The following TMC1 variants were observed in gnomAD, a reference collection of about 807,000 sequenced individuals.
TMC1 encodes the protein transmembrane channel like 1, also known as transmembrane channel-like protein 1.
Under a neutral mutation model 105.8 loss-of-function variants are expected in TMC1, and 84 were observed. The ratio of observed to expected loss-of-function variants is 0.79; its 90% confidence interval spans 0.67 to 0.95. The LOEUF (loss-of-function observed/expected upper bound fraction) is 0.95, where lower values mean the gene tolerates loss of function less well. Ranked by LOEUF, TMC1 falls within the 40% of genes least tolerant of loss-of-function variation. The pLI, the probability that TMC1 is intolerant of heterozygous loss-of-function variation, is 0.00. For synonymous variants in TMC1, 315 were observed against 311.5 expected (o/e 1.01, Z -0.12); for missense variants, 817 against 914.1 (o/e 0.89, Z 1.37).
intron 8 of TMC1, among the ~76,000 whole-genome samples, chr9:72,714,940 G>C (rs1187240964): frequency 1.3e-5 from 2 of 152,264 alleles, no homozygotes; most frequent in East Asian, 3.9e-4. Flanking sequence ...TCCTTCATGA[G>C]CTCTTGTAAG....
Position 72,791,996 on chromosome 9 carries a change from C to T in TMC1, c.1335C>T (p.Arg445=), listed in dbSNP as rs1828278053. Residue 445 remains arginine (R), a synonymous_variant, in exon 16 of 24, where the codon CGC becomes CGT. Coordinates refer to ENST00000297784, the MANE Select transcript of TMC1 (RefSeq NM_138691.3). ...TCGCTTTGAAATGGCTACTGGGACG[C>T]ATTTTTGCTCTTCTTTTAGGCAATT... ...PLIALKWLLG[R]IFALLLGNLY... 2 of 1,614,054 alleles carry T rather than the reference C, an allele frequency of 1.2e-6. No homozygotes were observed. The highest frequency in any genetic ancestry group is 1.7e-6 in the Non-Finnish European group (2 of 1,179,964).
At chr9:72,593,418 GAC>G (rs1691580420) in intron 2 of TMC1, among the ~76,000 whole-genome samples, 1 of 151,178 alleles carries the variant, frequency 6.6e-6, no homozygotes, top group Non-Finnish European at 1.5e-5. Context: ...TCTTTTCTGA[GAC>G]AGAGTGTTGC....
intron 2 of TMC1, among the ~76,000 whole-genome samples, chr9:72,609,179 C>CCCTCCCTT (rs1461633849): frequency 7.3e-5 from 10 of 136,058 alleles, no homozygotes; most frequent in South Asian, 2.7e-4. Context: ...CTTCCTCCTT[C>CCCTCCCTT]CCTTCCTTCC....
chr9:72,613,218 G>A (rs1402120071), intron 2 of TMC1, among the ~76,000 whole-genome samples: 3 of 149,672 alleles, frequency 2.0e-5, no homozygotes, highest in Non-Finnish European at 3.0e-5. Flanking sequence ...TGCAACCTCC[G>A]CCTCCCGGGT....
chr9:72,566,060 C>T (rs994759851), intron 1 of TMC1, among the ~76,000 whole-genome samples: 5 of 152,200 alleles, frequency 3.3e-5, no homozygotes, highest in African/African-American at 1.2e-4. Flanking sequence ...GACAGGGTCT[C>T]ACTTTGCCTC....
At chr9:72,689,459 G>C (rs1588033282) in intron 6 of TMC1, among the ~76,000 whole-genome samples, 1 of 152,064 alleles carries the variant, frequency 6.6e-6, no homozygotes, top group South Asian at 2.1e-4. Flanking sequence ...AGGTCTGTTT[G>C]ATCTATAATG....
chr9:72,591,762 G>A (rs1286223208), intron 2 of TMC1, among the ~76,000 whole-genome samples: 2 of 152,072 alleles, frequency 1.3e-5, no homozygotes, highest in Non-Finnish European at 2.9e-5. Context: ...TAGAGACAGG[G>A]TCTCACTCTG....
At chr9:72,769,693 A>G (rs1431868807) in intron 12 of TMC1, among the ~76,000 whole-genome samples, 1 of 152,196 alleles carries the variant, frequency 6.6e-6, no homozygotes, top group African/African-American at 2.4e-5. Context: ...CTGTGAGATA[A>G]AATAAGGTGT....
chr9:72,630,712 A>G lies in TMC1; in HGVS notation c.-53+2649A>G, dbSNP rs964140212. On this transcript the variant is annotated intron_variant, in intron 4 of 23. Coordinates refer to ENST00000297784, the MANE Select transcript of TMC1 (RefSeq NM_138691.3). ...TATATCCCTCTCCCTGTCAATCTATAAATTAAAAACTATACATTAAAAACT... is the reference window on the plus strand; with the variant it reads ...TATATCCCTCTCCCTGTCAATCTATGAATTAAAAACTATACATTAAAAACT... 9.9e-5 allele frequency among the ~76,000 whole-genome samples: 15 copies of G among 152,196 alleles called. No individual in the cohort carries two copies. In the South Asian group the frequency reaches 2.5e-3, roughly 25 times the overall value.
chr9:72,596,404 A>T (rs1587979480), intron 2 of TMC1, among the ~76,000 whole-genome samples: 1 of 152,270 alleles, frequency 6.6e-6, no homozygotes. Flanking sequence ...CATGGCCAGA[A>T]CTAATCATGT....
chr9:72,755,734 A>G (rs951422320), intron 12 of TMC1, among the ~76,000 whole-genome samples: 1 of 152,226 alleles, frequency 6.6e-6, no homozygotes, highest in African/African-American at 2.4e-5. Context: ...TTTGGAGGCT[A>G]GACAATGAGA....
At chr9:72,666,336 G>A (rs140055113) in intron 5 of TMC1, among the ~76,000 whole-genome samples, 2 of 152,206 alleles carry the variant, frequency 1.3e-5, no homozygotes, top group Non-Finnish European at 2.9e-5. Flanking sequence ...GAGTAATATA[G>A]GACCTTCTCT....
intron 1 of TMC1, among the ~76,000 whole-genome samples, chr9:72,547,400 G>A (rs997184382): frequency 1.3e-5 from 2 of 152,024 alleles, no homozygotes; most frequent in African/African-American, 4.8e-5. Context: ...GTGGAGTTTG[G>A]AGATTGATTT....
rs114121704 is a variant in TMC1 at position 72,634,404 on chromosome 9, A to G, written c.-53+6341A>G. ...TTATAGAAAGGTAAGCTAGGGAACA[A>G]TGTCTGGTTATCATTTAATTACACC... is the stretch of plus-strand genomic sequence containing the variant. On this transcript the variant is annotated intron_variant, in intron 4 of 23. Transcript: ENST00000297784. 4.3e-3 allele frequency among the ~76,000 whole-genome samples: 658 copies of G among 152,308 alleles called. 3 individuals are homozygous for G. The highest frequency in any genetic ancestry group is 0.014 in the African/African-American group (600 of 41,562).
chr9:72,781,440 A>G (rs554869915), intron 13 of TMC1, among the ~76,000 whole-genome samples: 2 of 152,292 alleles, frequency 1.3e-5, no homozygotes, highest in African/African-American at 4.8e-5. Context: ...CCCCAAAGCT[A>G]GCAGAAGATA....
intron 1 of TMC1, among the ~76,000 whole-genome samples, chr9:72,558,065 G>T (rs1161117683): frequency 6.6e-6 from 1 of 152,114 alleles, no homozygotes; most frequent in Non-Finnish European, 1.5e-5. Context: ...AAATAAAAAT[G>T]CTTCTTCAGT....
chr9:72,532,522 C>T (rs1303443598), intron 1 of TMC1, among the ~76,000 whole-genome samples: 1 of 101,830 alleles, frequency 9.8e-6, no homozygotes, highest in South Asian at 3.4e-4. Flanking sequence ...GCCTGGACAA[C>T]AAGAGCGAGA....
chr9:72,767,514 T>C (rs1237694051), intron 12 of TMC1, among the ~76,000 whole-genome samples: 1 of 152,202 alleles, frequency 6.6e-6, no homozygotes, highest in Non-Finnish European at 1.5e-5. Context: ...TCTATGTATA[T>C]TGGGCAAATA....
intron 8 of TMC1, 124 bp from the exon 9 acceptor site, chr9:72,739,995 C>A: frequency 1.4e-6 from 1 of 724,070 alleles, no homozygotes. Flanking sequence ...AGTCTAGGTT[C>A]ACCTGTGAAG....
Sources: gnomAD v4.1 joint callset for allele counts (sites outside exome capture counted in the v4.1 genomes callset) on GRCh38, gnomAD v4.1.1 for gene constraint, MANE v1.5 for transcripts, NCBI Gene and HGNC (gene_info 2026-07-23, HGNC 2026-07-21) for gene names.